Variants in DENND1A observed in about 807,000 individuals in gnomAD.
DENND1A encodes the protein DENN domain containing 1A, also known as DENN domain-containing protein 1A.
Under a neutral mutation model 113.7 loss-of-function variants are expected in DENND1A, and 51 were observed. That is an observed-to-expected ratio of 0.45 (90% CI 0.36 to 0.57). The LOEUF (loss-of-function observed/expected upper bound fraction) is 0.57. DENND1A is among the 20% of genes least tolerant of loss of function. The pLI, the probability that DENND1A is intolerant of heterozygous loss-of-function variation, is 0.00. For synonymous variants in DENND1A, 565 were observed against 570.8 expected (o/e 0.99, Z 0.14); for missense variants, 1,258 against 1,395.9 (o/e 0.90, Z 1.57).
chr9:123,695,295 C>T (rs778222177), intron 5 of DENND1A, among the ~76,000 whole-genome samples: 1 of 152,082 alleles, frequency 6.6e-6, no homozygotes, highest in East Asian at 1.9e-4. Flanking sequence ...GTTGTCAGCA[C>T]ATTACTGTTA....
intron 19 of DENND1A, chr9:123,413,502 A>C: frequency 1.0e-6 from 1 of 985,138 alleles, no homozygotes; most frequent in Non-Finnish European, 1.2e-6. Context: ...CTGCCCCACT[A>C]CTCCTGGAGG....
chr9:123,650,565 A>T (rs2062590669), intron 9 of DENND1A, among the ~76,000 whole-genome samples: 2 of 152,192 alleles, frequency 1.3e-5, no homozygotes, highest in Non-Finnish European at 2.9e-5. Context: ...CAAACTCAGC[A>T]AACAGATATT....
Position 123,381,215 on chromosome 9 carries a change from AGGAACTGGGTTGATTCCCAGGCT to A in DENND1A, c.*194_*216del, listed in dbSNP as rs1336682726. On this transcript the variant is annotated 3_prime_UTR_variant, in exon 24 of 24. Coordinates refer to ENST00000394215, the MANE Select transcript of DENND1A (RefSeq NM_001352964.2). The surrounding 1 kb of genome is among the most constrained non-coding windows in gnomAD (Gnocchi z 4.7). ...CAACCGCGGGGTGGGATGGGCACTC[AGGAACTGGGTTGATTCCCAGGCT>A]GGAACTGGTGCCATTCCCCAGGGCC... 5.0e-6 allele frequency: 3 copies of A among 599,388 alleles called. No homozygotes were observed. The highest frequency in any genetic ancestry group is 5.7e-5 in the East Asian group (2 of 35,150). 37.1% of individuals were successfully genotyped at this position (599,388 alleles called of 1,614,324 possible).
intron 2 of DENND1A, among the ~76,000 whole-genome samples, chr9:123,866,587 G>A (rs973977824): frequency 1.3e-5 from 2 of 152,110 alleles, no homozygotes; most frequent in Non-Finnish European, 2.9e-5. Context: ...CTTAATGATA[G>A]CACAATTTCC....
chr9:123,655,903 T>A (rs891617693), intron 8 of DENND1A, among the ~76,000 whole-genome samples: 2 of 152,226 alleles, frequency 1.3e-5, no homozygotes, highest in East Asian at 3.8e-4. Flanking sequence ...CTTATTTAAC[T>A]CCTACTATGT....
chr9:123,514,121 T>C (rs2053694235), intron 13 of DENND1A, among the ~76,000 whole-genome samples: 1 of 146,620 alleles, frequency 6.8e-6, no homozygotes, highest in East Asian at 2.1e-4. Flanking sequence ...TGTGTGTGTG[T>C]CCATGACACC....
At chr9:123,681,158 G>C (rs957971715) in intron 5 of DENND1A, among the ~76,000 whole-genome samples, 2 of 152,080 alleles carry the variant, frequency 1.3e-5, no homozygotes, top group African/African-American at 4.8e-5. Context: ...GACTCAAGGG[G>C]GCAAGGAGGG....
chr9:123,450,856 A>G (rs2047668268), intron 17 of DENND1A, 107 bp from the exon 18 acceptor site: 1 of 856,512 alleles, frequency 1.2e-6, no homozygotes, highest in African/African-American at 1.7e-5. Context: ...TAGAAAAAGG[A>G]AGGAAAAATG....
At chr9:123,580,136 C>A (rs1377130239) in intron 12 of DENND1A, among the ~76,000 whole-genome samples, 1 of 152,228 alleles carries the variant, frequency 6.6e-6, no homozygotes, top group Non-Finnish European at 1.5e-5. Context: ...ATAATCATTA[C>A]CATAGCTGTT....
intron 2 of DENND1A, chr9:123,798,424 C>G (rs1356762413): frequency 1.3e-5 from 2 of 152,076 alleles, no homozygotes; most frequent in African/African-American, 4.8e-5. Flanking sequence ...AGTACAGTTA[C>G]CAATTAAGTG....
chr9:123,703,416 T>C (rs1227209990), intron 5 of DENND1A, among the ~76,000 whole-genome samples: 4 of 152,228 alleles, frequency 2.6e-5, no homozygotes, highest in Admixed American at 6.5e-5. Context: ...TAAGTTGTTA[T>C]TATCAGCTTA....
intron 13 of DENND1A, among the ~76,000 whole-genome samples, chr9:123,508,232 G>A (rs182988328): frequency 2.2e-4 from 33 of 152,350 alleles, no homozygotes; most frequent in African/African-American, 6.5e-4. Flanking sequence ...TTTAACTTTC[G>A]TTTTTGGTGA....
At chr9:123,716,819 C>G (rs1357161435) in intron 5 of DENND1A, among the ~76,000 whole-genome samples, 1 of 152,152 alleles carries the variant, frequency 6.6e-6, no homozygotes, top group Non-Finnish European at 1.5e-5. Context: ...GTGAGTATCA[C>G]GTACATGCTT....
Position 123,637,933 on chromosome 9 carries a change from GCACACACACACACACACGCGCACACACA to G in DENND1A, c.619-7485_619-7458del, listed in dbSNP as rs1041520796. ...TAAACACACACACACACACACACAC[GCACACACACACACACACGCGCACACACA>G]CACACACACACACCAAAAAAACCAC... On this transcript the variant is annotated intron_variant, in intron 9 of 23. Transcript: ENST00000394215. Among the ~76,000 whole-genome samples, 3 of 74,078 alleles carry G rather than the reference GCACACACACACACACACGCGCACACACA, an allele frequency of 4.0e-5. 1 individual carries two copies. Among genetic ancestry groups the G allele is most frequent in the South Asian group, 1.1e-3 (2 of 1,768 alleles). 48.6% of individuals were successfully genotyped at this position (74,078 alleles called of 152,430 possible).
chr9:123,467,608 T>G (rs1010771498), intron 13 of DENND1A, among the ~76,000 whole-genome samples: 1 of 152,110 alleles, frequency 6.6e-6, no homozygotes, highest in African/African-American at 2.4e-5. Context: ...TGAGCCGAGA[T>G]CGCGCCACTG....
intron 2 of DENND1A, among the ~76,000 whole-genome samples, chr9:123,845,699 G>T (rs1383598049): frequency 7.7e-6 from 1 of 129,554 alleles, no homozygotes; most frequent in African/African-American, 3.4e-5. Context: ...AAAAAAAGAG[G>T]AATAAAAAAG....
intron 18 of DENND1A, among the ~76,000 whole-genome samples, chr9:123,445,386 G>C (rs73666956): frequency 1.3e-5 from 2 of 152,246 alleles, no homozygotes; most frequent in Admixed American, 6.5e-5. Context: ...CAGGCAAGGA[G>C]GTGGAAGGTT....
At chr9:123,755,124 T>TG (rs1406416857) in intron 5 of DENND1A, among the ~76,000 whole-genome samples, 1 of 148,156 alleles carries the variant, frequency 6.7e-6, no homozygotes, top group East Asian at 2.0e-4. Flanking sequence ...TACACAGATT[T>TG]TTTTTTTTTT....
chr9:123,456,267 G>C (rs542747632), intron 15 of DENND1A, among the ~76,000 whole-genome samples: 85 of 152,180 alleles, frequency 5.6e-4, no homozygotes, highest in African/African-American at 2.0e-3. Flanking sequence ...GGGGCCAGCA[G>C]CATGGGCACA....
Sources: allele counts gnomAD v4.1 joint callset (sites outside exome capture counted in the v4.1 genomes callset), GRCh38; gene constraint gnomAD v4.1.1; non-coding constraint Gnocchi (gnomAD v3.1); transcripts MANE v1.5; gene names NCBI Gene and HGNC (gene_info 2026-07-23, HGNC 2026-07-21).